AKIRIN2: variants seen among roughly 807,000 people sequenced by gnomAD.
AKIRIN2 encodes akirin 2.
A neutral mutation model predicts 29.3 loss-of-function variants in AKIRIN2; 6 were observed. The observed-to-expected ratio is 0.20, with a 90% CI of 0.11 to 0.40. AKIRIN2 has a LOEUF of 0.40. Ranked by LOEUF, AKIRIN2 falls within the 10% of genes least tolerant of loss-of-function variation. The pLI, the probability that AKIRIN2 is intolerant of heterozygous loss-of-function variation, is 1.00. For synonymous variants in AKIRIN2, 128 were observed against 117.5 expected (o/e 1.09, Z -0.58); for missense variants, 210 against 276.1 (o/e 0.76, Z 1.70).
intron 1 of AKIRIN2, among the ~76,000 whole-genome samples, chr6:87,687,801 T>G (rs1771212192): frequency 6.6e-6 from 1 of 152,204 alleles, no homozygotes; most frequent in Non-Finnish European, 1.5e-5. Context: ...AGCTCTTAAC[T>G]ACTTTTAAGT....
chr6:87,701,890 C>T lies in AKIRIN2; in HGVS notation c.-206G>A. The T allele has an allele frequency of 2.4e-6, 1 of 422,630 alleles. No homozygotes were observed. The highest frequency in any genetic ancestry group is 4.2e-6 in the Non-Finnish European group (1 of 240,034). The allele number at this position is 422,630 out of a possible 1,614,324, so 26.2% of individuals were successfully genotyped here. On this transcript the variant is annotated 5_prime_UTR_variant, in exon 1 of 5. Coordinates refer to ENST00000257787, the MANE Select transcript of AKIRIN2 (RefSeq NM_018064.4). Reference sequence around the variant, plus strand: ...GGCAGGGGCAGTGGCCAGGGACGGCCCGGGTGAGAGCGGGAGGGGCGGTGG... The same window carrying T: ...GGCAGGGGCAGTGGCCAGGGACGGCTCGGGTGAGAGCGGGAGGGGCGGTGG...
At position 87,701,894 on chromosome 6, in the gene AKIRIN2, G is replaced by A; in HGVS notation, c.-210C>T. On this transcript the variant is annotated 5_prime_UTR_variant, in exon 1 of 5. Coordinates refer to ENST00000257787, the MANE Select transcript of AKIRIN2 (RefSeq NM_018064.4). ...GGGGCAGTGGCCAGGGACGGCCCGG[G>A]TGAGAGCGGGAGGGGCGGTGGCGGG... 2 of 419,736 alleles carry A rather than the reference G, an allele frequency of 4.8e-6. No homozygotes were observed. The highest frequency in any genetic ancestry group is 8.4e-6 in the Non-Finnish European group (2 of 238,118). The allele number at this position is 419,736 out of a possible 1,614,324, so 26.0% of individuals were successfully genotyped here.
At chr6:87,681,221 A>G (rs138245915) in intron 2 of AKIRIN2, among the ~76,000 whole-genome samples, 2,989 of 152,236 alleles carry the variant, frequency 0.02, 97 homozygotes, top group African/African-American at 0.068. Context: ...TATTTTCAGT[A>G]GAGACAGAGT....
At chr6:87,687,044 CAAAAA>C (rs10652176) in intron 1 of AKIRIN2, among the ~76,000 whole-genome samples, 1 of 67,438 alleles carries the variant, frequency 1.5e-5, no homozygotes, top group Admixed American at 1.9e-4. Context: ...GACTTAGACT[CAAAAA>C]AAAAAAAAAA....
chr6:87,693,323 C>T (rs1771308045), intron 1 of AKIRIN2, among the ~76,000 whole-genome samples: 1 of 152,146 alleles, frequency 6.6e-6, no homozygotes, highest in African/African-American at 2.4e-5. Flanking sequence ...AAAATTGTAA[C>T]ACCTCTTCAT....
rs570047503 is a variant in AKIRIN2 at position 87,701,767 on chromosome 6, C to T, written c.-83G>A. 9,978 of 1,053,438 alleles carry T rather than the reference C, an allele frequency of 9.5e-3. 73 individuals are homozygous for T. Among genetic ancestry groups the T allele is most frequent in the Non-Finnish European group, 0.011 (8,548 of 784,338 alleles). 65.3% of individuals were successfully genotyped at this position (1,053,438 alleles called of 1,614,324 possible). A position where few individuals can be genotyped will look rare whatever the true frequency, so the allele number is the denominator to read the frequency against. On this transcript the variant is annotated 5_prime_UTR_variant, in exon 1 of 5. Transcript: ENST00000257787. ...AGAGGGTGAGGGAAGGGGTGAAGAGCGGGAACTCGAGGAGAGCCTACCCGA... is the reference window on the plus strand; with the variant it reads ...AGAGGGTGAGGGAAGGGGTGAAGAGTGGGAACTCGAGGAGAGCCTACCCGA...
At position 87,675,336 on chromosome 6, in the gene AKIRIN2, A is replaced by G. The variant is rs1277527979; in HGVS notation, c.*261T>C. 3.8e-6 allele frequency: 2 copies of G among 520,930 alleles called. No individual in the cohort carries two copies. Among genetic ancestry groups the G allele is most frequent in the Non-Finnish European group, 6.9e-6 (2 of 291,028 alleles). 32.3% of individuals were successfully genotyped at this position (520,930 alleles called of 1,614,324 possible). A position where few individuals can be genotyped will look rare whatever the true frequency, so the allele number is the denominator to read the frequency against. Reference sequence around the variant, plus strand: ...GCTTTAATCCTTTTCAAACATTAATATAAGAAGCCAAATTGTAATGATACA... The same window carrying G: ...GCTTTAATCCTTTTCAAACATTAATGTAAGAAGCCAAATTGTAATGATACA... On this transcript the variant is annotated 3_prime_UTR_variant, in exon 5 of 5. Transcript: ENST00000257787.
chr6:87,676,805 G>GCA (rs1175946828), intron 3 of AKIRIN2, among the ~76,000 whole-genome samples: 1 of 150,016 alleles, frequency 6.7e-6, no homozygotes, highest in Non-Finnish European at 1.5e-5. Flanking sequence ...GGCCGGGCAT[G>GCA]GTGGCTTACG....
intron 1 of AKIRIN2, chr6:87,700,784 T>C (rs1287814925): frequency 6.5e-6 from 1 of 154,806 alleles, no homozygotes; most frequent in Non-Finnish European, 1.5e-5. Context: ...TCTCAAGGTC[T>C]AGACTTATAG....
At chr6:87,678,529 A>G (rs1771064873) in intron 2 of AKIRIN2, among the ~76,000 whole-genome samples, 1 of 152,134 alleles carries the variant, frequency 6.6e-6, no homozygotes, top group African/African-American at 2.4e-5. Flanking sequence ...AAAATTAAAA[A>G]TTAAATTTAA....
intron 3 of AKIRIN2, among the ~76,000 whole-genome samples, chr6:87,676,943 G>A (rs751664047): frequency 1.5e-4 from 23 of 152,040 alleles, no homozygotes; most frequent in Middle Eastern, 3.4e-3. Context: ...CGGGCATGGT[G>A]GTAGGTGCCT....
chr6:87,701,515 G>C lies in AKIRIN2; in HGVS notation c.170C>G (p.Ser57Trp). ...TAASFSAAAA[S>W]PQKYLRMEPS... Reference sequence around the variant, plus strand: ...CTCCATTCGGAGATACTTCTGCGGCGAGGCGGCCGCAGCGGAGAAGGAGGC... The same window carrying C: ...CTCCATTCGGAGATACTTCTGCGGCCAGGCGGCCGCAGCGGAGAAGGAGGC... The change falls in exon 1 of 5, where the codon TCG (serine) becomes TGG (tryptophan). Residue 57 changes from serine (S) to tryptophan (W), a missense_variant. By Grantham distance (177) the Ser-to-Trp change is radical (BLOSUM62 -3). Transcript: ENST00000257787. The C allele has an allele frequency of 2.8e-6, 4 of 1,453,040 alleles. No homozygotes were observed. The highest frequency in any genetic ancestry group is 3.6e-6 in the Non-Finnish European group (4 of 1,104,462). 90.0% of individuals were successfully genotyped at this position (1,453,040 alleles called of 1,614,324 possible).
rs1771320857 is a variant in AKIRIN2, at chr6:87,694,033, T to A, written c.235+7417A>T. Among the ~76,000 whole-genome samples the A allele has an allele frequency of 2.6e-5, 4 of 152,336 alleles. No homozygotes were observed. The South Asian group carries it at 8.3e-4, about 32-fold the overall frequency. Reference sequence around the variant, plus strand: ...ACAGTAATGTTTGAAAAATTGGCTTTCTTCAAACTTCACTGTACATTCTAC... The same window carrying A: ...ACAGTAATGTTTGAAAAATTGGCTTACTTCAAACTTCACTGTACATTCTAC... On this transcript the variant is annotated intron_variant, in intron 1 of 4. Transcript: ENST00000257787.
At chr6:87,695,273 GTATT>G (rs1273987873) in intron 1 of AKIRIN2, among the ~76,000 whole-genome samples, 1 of 152,110 alleles carries the variant, frequency 6.6e-6, no homozygotes, top group East Asian at 1.9e-4. Flanking sequence ...ACTAATTGCA[GTATT>G]TATTACGACT....
chr6:87,676,447 CAAAAAAAAAA>C (rs71021319), intron 3 of AKIRIN2, among the ~76,000 whole-genome samples: 9 of 41,910 alleles, frequency 2.1e-4, no homozygotes, highest in East Asian at 1.6e-3. Flanking sequence ...GCCTGGGCAA[CAAAAAAAAAA>C]AAAAAAAAAA....
chr6:87,683,284 A>G (rs887091973), intron 1 of AKIRIN2, among the ~76,000 whole-genome samples: 5 of 152,244 alleles, frequency 3.3e-5, no homozygotes, highest in African/African-American at 1.2e-4. Flanking sequence ...AAACAGGTCT[A>G]TAATGATTAA....
rs140471246 is a variant in AKIRIN2 at position 87,677,872 on chromosome 6, G to A, written c.475C>T (p.Arg159Cys). Reference protein sequence around the residue: ...GMICERLLKEREEKVREEYEE... With the variant: ...GMICERLLKECEEKVREEYEE... Reference sequence around the variant, plus strand: ...TATTCTTCTCGAACTTTCTCTTCACGTTCTTTCAACAAACGTTCACAGATC... The same window carrying A: ...TATTCTTCTCGAACTTTCTCTTCACATTCTTTCAACAAACGTTCACAGATC... Residue 159 changes from arginine to cysteine, a missense_variant, in exon 3 of 5, where the codon CGT (arginine) becomes TGT (cysteine). Transcript: ENST00000257787. 1.2e-6 allele frequency: 2 copies of A among 1,613,808 alleles called. No individual in the cohort carries two copies. Among genetic ancestry groups the A allele is most frequent in the Non-Finnish European group, 1.7e-6 (2 of 1,179,928 alleles).
chr6:87,687,439 C>CAAAAAAA (rs201472497), intron 1 of AKIRIN2, among the ~76,000 whole-genome samples: 4,647 of 108,552 alleles, frequency 0.043, 283 homozygotes, highest in African/African-American at 0.099. Context: ...AATTCCGTTT[C>CAAAAAAA]AAAAAAAAAA....
chr6:87,685,889 G>A (rs565002321), intron 1 of AKIRIN2, among the ~76,000 whole-genome samples: 16 of 152,240 alleles, frequency 1.1e-4, no homozygotes, highest in African/African-American at 3.9e-4. Context: ...GTATCAACAG[G>A]TCAGCACCTA....
Sources: gnomAD v4.1 joint callset for allele counts (sites outside exome capture counted in the v4.1 genomes callset) on GRCh38, gnomAD v4.1.1 for gene constraint, MANE v1.5 for transcripts, NCBI Gene and HGNC (gene_info 2026-07-23, HGNC 2026-07-21) for gene names.